The following KMT2C variants were observed in gnomAD, a reference collection of about 807,000 sequenced individuals.
The protein encoded by KMT2C is lysine methyltransferase 2C, also known as histone-lysine N-methyltransferase 2C.
KMT2C carries 88 observed loss-of-function variants against 507.9 expected under a neutral mutation model. That is an observed-to-expected ratio of 0.17 (90% confidence interval 0.15 to 0.21). The LOEUF is 0.21. Ranked by LOEUF, KMT2C falls within the 10% of genes least tolerant of loss-of-function variation. The pLI, the probability that KMT2C is intolerant of heterozygous loss-of-function variation, is 1.00. For missense variants in KMT2C, 4,954 were observed against 5,957.8 expected (o/e 0.83, Z 5.55); for synonymous variants, 2,049 against 2,080.8 (o/e 0.98, Z 0.42).
chr7:152,190,094 G>A (rs1204596499), intron 31 of KMT2C, among the ~76,000 whole-genome samples: 3 of 152,198 alleles, frequency 2.0e-5, no homozygotes, highest in Non-Finnish European at 4.4e-5. Flanking sequence ...ATGATCTGAG[G>A]TGGAACAGTT....
intron 2 of KMT2C, among the ~76,000 whole-genome samples, chr7:152,333,407 A>T (rs1424035080): frequency 2.0e-5 from 3 of 152,160 alleles, no homozygotes; most frequent in Non-Finnish European, 4.4e-5. Flanking sequence ...GAATACAGGC[A>T]TGAGTCACTA....
intron 23 of KMT2C, among the ~76,000 whole-genome samples, chr7:152,214,379 A>G (rs983279563): frequency 1.7e-4 from 26 of 152,230 alleles, no homozygotes; most frequent in African/African-American, 6.0e-4. Context: ...AGAAATTGTG[A>G]CGTGTGTATA....
intron 37 of KMT2C, among the ~76,000 whole-genome samples, chr7:152,179,117 A>G (rs1250147594): frequency 1.3e-5 from 2 of 152,162 alleles, no homozygotes; most frequent in African/African-American, 4.8e-5. Context: ...CAGCCTCCTG[A>G]GTAGCCGCGA....
Position 152,218,835 on chromosome 7 carries a change from T to C in KMT2C, c.3712+1688A>G, listed in dbSNP as rs373786784. Among the ~76,000 whole-genome samples the C allele has an allele frequency of 6.6e-5, 10 of 152,208 alleles. No individual in the cohort carries two copies. The East Asian group carries it at 1.9e-3, about 29-fold the overall frequency. On this transcript the variant is annotated intron_variant, in intron 23 of 58. Transcript: ENST00000262189. ...TCAGCACACTCTCACCCAGAGCCTTTACATCGGCTTCCTCACTGTCTGGGA... is the reference window on the plus strand; with the variant it reads ...TCAGCACACTCTCACCCAGAGCCTTCACATCGGCTTCCTCACTGTCTGGGA...
chr7:152,276,038 T>C (rs373445528), intron 6 of KMT2C, among the ~76,000 whole-genome samples: 3 of 152,274 alleles, frequency 2.0e-5, no homozygotes, highest in Admixed American at 6.5e-5. Flanking sequence ...CAATGAAAAA[T>C]ATTATATTAG....
chr7:152,353,762 G>C (rs182327301), intron 2 of KMT2C, among the ~76,000 whole-genome samples: 1 of 152,246 alleles, frequency 6.6e-6, no homozygotes, highest in East Asian at 1.9e-4. Context: ...GCCTCCCAAA[G>C]GTCTAGGGTT....
intron 7 of KMT2C, among the ~76,000 whole-genome samples, chr7:152,266,269 G>C (rs1233156552): frequency 6.7e-6 from 1 of 149,432 alleles, no homozygotes; most frequent in African/African-American, 2.5e-5. Context: ...TTTTGAGACA[G>C]AGTTTCACTC....
intron 1 of KMT2C, among the ~76,000 whole-genome samples, chr7:152,383,789 T>A (rs73487330): frequency 1.5e-5 from 2 of 135,708 alleles, no homozygotes; most frequent in East Asian, 4.3e-4. Context: ...CCTTAGAGGG[T>A]TGTCACACTA....
intron 34 of KMT2C, among the ~76,000 whole-genome samples, chr7:152,185,063 G>A (rs1389380209): frequency 6.6e-6 from 1 of 152,142 alleles, no homozygotes; most frequent in African/African-American, 2.4e-5. Flanking sequence ...GGCCCCTCCT[G>A]TATACTTTAA....
Position 152,217,963 on chromosome 7 carries a change from G to A in KMT2C, c.3712+2560C>T, listed in dbSNP as rs553851753. Among the ~76,000 whole-genome samples the A allele has an allele frequency of 4.6e-5, 7 of 152,236 alleles. No individual in the cohort carries two copies. The South Asian group carries it at 1.5e-3, about 32-fold the overall frequency. On this transcript the variant is annotated intron_variant, in intron 23 of 58. Transcript: ENST00000262189. ...AACATCCTCAGAAATGGAAATTCTT[G>A]TTAAAGCTGATCTGATCAATTCCTC...
chr7:152,422,264 C>T (rs7790463), intron 1 of KMT2C, among the ~76,000 whole-genome samples: 7,133 of 145,180 alleles, frequency 0.049, 300 homozygotes, highest in African/African-American at 0.11. Context: ...CTGGCCAACA[C>T]GGCAAAACCC....
intron 1 of KMT2C, among the ~76,000 whole-genome samples, chr7:152,418,441 GTTGTT>G (rs1354510425): frequency 8.6e-5 from 13 of 151,814 alleles, no homozygotes. Flanking sequence ...GTTTTTTGTT[GTTGTT>G]TTGAGACAGA....
chr7:152,177,372 G>T lies in KMT2C; in HGVS notation c.8081C>A (p.Pro2694His). 6.2e-7 allele frequency: 1 copy of T among 1,614,160 alleles called. No individual in the cohort carries two copies. Among genetic ancestry groups the T allele is most frequent in the Non-Finnish European group, 8.5e-7 (1 of 1,179,998 alleles). The change falls in exon 38 of 59, where the codon CCT (proline) becomes CAT (histidine). Residue 2694 changes from proline (P) to histidine (H), a missense_variant. Physicochemically the swap from Pro to His is moderately conservative, Grantham distance 77 (BLOSUM62 -2). Around this residue, in one of 29 missense-constraint regions of KMT2C, gnomAD observed 1,689 missense variants for 1,654.3 expected, o/e 1.02. Transcript: ENST00000262189. ...TTTAACATCCAGTTCCTTCACAGAAGGGTCATCAGAATCAAGTTTTTCCTC... is the reference window on the plus strand; with the variant it reads ...TTTAACATCCAGTTCCTTCACAGAATGGTCATCAGAATCAAGTTTTTCCTC... ...GLEEKLDSDDPSVKELDVKDL... is the reference protein window; with the variant it reads ...GLEEKLDSDDHSVKELDVKDL...
chr7:152,304,352 A>G (rs2096596793), intron 6 of KMT2C, among the ~76,000 whole-genome samples: 1 of 152,204 alleles, frequency 6.6e-6, no homozygotes, highest in South Asian at 2.1e-4. Context: ...TCTCTAATAA[A>G]AATATTGAAT....
At chr7:152,347,365 G>A (rs1032089353) in intron 2 of KMT2C, among the ~76,000 whole-genome samples, 11 of 152,170 alleles carry the variant, frequency 7.2e-5, no homozygotes, top group East Asian at 1.9e-4. Context: ...TATGGGTCCC[G>A]TGGTGTTATG....
At chr7:152,197,267 C>T (rs899069348) in intron 27 of KMT2C, among the ~76,000 whole-genome samples, 1 of 152,136 alleles carries the variant, frequency 6.6e-6, no homozygotes, top group Non-Finnish European at 1.5e-5. Context: ...GAGGATTCTA[C>T]GGGTTTGGGC....
rs2129115438 is a variant in KMT2C at position 152,177,811 on chromosome 7, C to A, written c.7642G>T (p.Val2548Phe). 6.2e-7 allele frequency: 1 copy of A among 1,613,810 alleles called. No homozygotes were observed. Among genetic ancestry groups the A allele is most frequent in the Non-Finnish European group, 8.5e-7 (1 of 1,179,958 alleles). The change falls in exon 38 of 59, where the codon GTT becomes TTT. Residue 2548 changes from valine to phenylalanine, a missense_variant. This residue lies in a region of KMT2C where 1,689 missense variants were observed against 1,654.3 expected (regional missense o/e 1.02). Transcript: ENST00000262189. ...PQHFSPQSLP[V>F]QQHNILGQAY... ...TGGCCCAGTATGTTGTGCTGCTGAA[C>A]TGGCAAGCTCTGTGGTGAAAAATGC...
chr7:152,153,246 A>G (rs1017470924), intron 48 of KMT2C, among the ~76,000 whole-genome samples: 2 of 152,246 alleles, frequency 1.3e-5, no homozygotes, highest in Admixed American at 1.3e-4. Flanking sequence ...AGACCCCGTC[A>G]GTTCCTACAG....
chr7:152,408,429 T>A (rs1454796337), intron 1 of KMT2C, among the ~76,000 whole-genome samples: 3 of 152,264 alleles, frequency 2.0e-5, no homozygotes, highest in African/African-American at 7.2e-5. Context: ...AGAAGATAGT[T>A]TATCGTACTC....
Sources: gnomAD v4.1 joint callset for allele counts (sites outside exome capture counted in the v4.1 genomes callset) on GRCh38, gnomAD v4.1.1 for gene constraint, gnomAD v4.1.1 regional missense constraint, MANE v1.5 for transcripts, NCBI Gene and HGNC (gene_info 2026-07-23, HGNC 2026-07-21) for gene names.